The following ITM2C variants were observed in gnomAD, a reference collection of about 807,000 sequenced individuals.
ITM2C encodes BRICHOS domain containing 2C.
Under a neutral mutation model 30.0 loss-of-function variants are expected in ITM2C, and 20 were observed. The ratio of observed to expected loss-of-function variants is 0.67; its 90% confidence interval spans 0.47 to 0.97. The LOEUF (loss-of-function observed/expected upper bound fraction) is 0.97. Among genes scored for constraint, ITM2C ranks in the 50% least tolerant of loss-of-function variants. ITM2C has a pLI of 0.00. For synonymous variants in ITM2C, 167 were observed against 156.4 expected, an observed-to-expected ratio of 1.07 and a Z score of -0.51; for missense variants, 366 against 371.9, an observed-to-expected ratio of 0.98 and a Z score of 0.13.
chr2:230,872,364 GGGA>G (rs1479881208), intron 1 of ITM2C, among the ~76,000 whole-genome samples: 5 of 152,214 alleles, frequency 3.3e-5, no homozygotes, highest in Admixed American at 1.3e-4. Flanking sequence ...ATAGGAGGTA[GGGA>G]GGAGAAGAGA....
At chr2:230,875,595 C>A in intron 2 of ITM2C, 25 bp from the exon 3 acceptor site, 1 of 1,572,990 alleles carries the variant, frequency 6.4e-7, no homozygotes, top group East Asian at 2.2e-5. Context: ...CTCTGACTGT[C>A]TGTCTGTCTC....
Position 230,865,036 on chromosome 2 carries a change from T to C in ITM2C, c.11T>C (p.Ile4Thr). 6.6e-7 allele frequency: 1 copy of C among 1,522,002 alleles called. No individual in the cohort carries two copies. Among genetic ancestry groups the C allele is most frequent in the East Asian group, 2.6e-5 (1 of 38,328 alleles). The allele number at this position is 1,522,002 out of a possible 1,614,324, so 94.3% of individuals were successfully genotyped here. MVK[I>T]SFQPAVAGIK... The stretch of plus-strand genomic sequence containing the variant: ...CGGGCCGGCGCAGCCATGGTGAAGA[T>C]TAGCTTCCAGCCCGCCGTGGCTGGC... Residue 4 changes from isoleucine (I) to threonine (T), a missense_variant, in exon 1 of 6, where the codon ATT becomes ACT. By Grantham distance (89) the Ile-to-Thr change is moderately conservative. Coordinates refer to ENST00000326427, the MANE Select transcript of ITM2C (RefSeq NM_030926.6). The surrounding 1 kb of genome is among the most constrained non-coding windows in gnomAD (Gnocchi z 6.8).
Position 230,877,519 on chromosome 2 carries a change from C to T in ITM2C, c.681C>T (p.Thr227=), listed in dbSNP as rs753053436. 3.7e-6 allele frequency: 6 copies of T among 1,613,800 alleles called. No individual in the cohort carries two copies. In the African/African-American group the frequency reaches 8.0e-5, roughly 22 times the overall value. Residue 227 remains threonine, a synonymous_variant, in exon 5 of 6, where the codon ACC becomes ACT. Transcript: ENST00000326427. The surrounding 1 kb of genome is among the most constrained non-coding windows in gnomAD (Gnocchi z 4.8). ...ACCACCTGTGCAACGGGAAAGACAC[C>T]TACCGGCTCCGGCGCCGGGCAACGC... ...FIYHLCNGKD[T]YRLRRRATRR... is the part of the protein sequence containing the mutation.
chr2:230,871,372 G>T (rs1025495644), intron 1 of ITM2C, among the ~76,000 whole-genome samples: 1 of 152,360 alleles, frequency 6.6e-6, no homozygotes. Context: ...TGGGTGGTTC[G>T]ATCCCTGGGA....
In ITM2C at chr2:230,876,941, T is replaced by C. The variant is rs763577235; in HGVS notation, c.535T>C (p.Phe179Leu). 4 of 1,613,342 alleles carry C rather than the reference T, an allele frequency of 2.5e-6. No homozygotes were observed. In the African/African-American group the frequency reaches 5.3e-5, roughly 22 times the overall value. Residue 179 changes from phenylalanine to leucine, a missense_variant, in exon 4 of 6, where the codon TTC becomes CTC. By Grantham distance (22) the Phe-to-Leu change is conservative. Transcript: ENST00000326427. ...CACCATTGTGCTGCCCCCTCGCAAC[T>C]TCTGGGAGCTCCTCATGAACGTGAA... ...NTTIVLPPRN[F>L]WELLMNVKRG...
At chr2:230,864,696 A>C, upstream of ITM2C, 1 of 150,054 alleles carries the variant, frequency 6.7e-6, no homozygotes, top group Non-Finnish European at 1.4e-5. This position sits in a 1 kb window ranked among gnomAD's most constrained non-coding sequence, Gnocchi z 4.3. Flanking sequence ...GGCTGAATGA[A>C]TGAGTGAGCG....
At chr2:230,875,834 G>T (rs369467405) in intron 3 of ITM2C, 26 bp downstream of exon 3, 92 of 400,200 alleles carry the variant, frequency 2.3e-4, no homozygotes, top group Non-Finnish European at 4.0e-4. Flanking sequence ...GCCTGGGGGT[G>T]GGGGGTGGGA....
chr2:230,877,274 G>A lies in ITM2C; in HGVS notation c.562-126G>A. 6 of 927,614 alleles carry A rather than the reference G, an allele frequency of 6.5e-6. No homozygotes were observed. The highest frequency in any genetic ancestry group is 7.0e-4 in the Middle Eastern group (2 of 2,868). 57.5% of individuals were successfully genotyped at this position (927,614 alleles called of 1,614,324 possible). A position where few individuals can be genotyped will look rare whatever the true frequency, so the allele number is the denominator to read the frequency against. On this transcript the variant is annotated intron_variant, in intron 4 of 5. Transcript: ENST00000326427. This position sits in a 1 kb window ranked among gnomAD's most constrained non-coding sequence, Gnocchi z 4.8. ...CAGGCACCGGGCACAGGCAGGAAGTGCCTGAGGACATCAGAAGGGCCAGCC... is the reference window on the plus strand; with the variant it reads ...CAGGCACCGGGCACAGGCAGGAAGTACCTGAGGACATCAGAAGGGCCAGCC...
At chr2:230,866,360 G>T (rs942643268) in intron 1 of ITM2C, among the ~76,000 whole-genome samples, 3 of 152,212 alleles carry the variant, frequency 2.0e-5, no homozygotes, top group Non-Finnish European at 1.5e-5. Flanking sequence ...GTTCAGTCTT[G>T]CCTGGGGCAT....
rs775229072 is a variant in ITM2C, at chr2:230,878,259, C to G, written c.*160C>G. 2.5e-5 allele frequency: 12 copies of G among 476,298 alleles called. No homozygotes were observed. The highest frequency in any genetic ancestry group is 4.1e-5 in the Non-Finnish European group (11 of 271,402). The allele number at this position is 476,298 out of a possible 1,614,324, so 29.5% of individuals were successfully genotyped here. A position where few individuals can be genotyped will look rare whatever the true frequency, so the allele number is the denominator to read the frequency against. ...CTCCAACCCTGCCCACCTCCCTGTA[C>G]CAGAGCTGTGATCTCTCGGTGGGGG... On this transcript the variant is annotated 3_prime_UTR_variant, in exon 6 of 6. Transcript: ENST00000326427. This position sits in a 1 kb window ranked among gnomAD's most constrained non-coding sequence, Gnocchi z 4.5.
At chr2:230,875,234 C>T (rs938731143) in intron 2 of ITM2C, among the ~76,000 whole-genome samples, 1 of 152,320 alleles carries the variant, frequency 6.6e-6, no homozygotes. Context: ...CCTGCTGGGC[C>T]ACCCCTTTTC....
Position 230,865,060 on chromosome 2 carries a change from G to A in ITM2C, c.35G>A (p.Gly12Asp). Residue 12 changes from glycine to aspartate, a missense_variant, in exon 1 of 6, where the codon GGC (glycine) becomes GAC (aspartate). Physicochemically the swap from Gly to Asp is moderately conservative, Grantham distance 94. Transcript: ENST00000326427. This position sits in a 1 kb window ranked among gnomAD's most constrained non-coding sequence, Gnocchi z 6.8. ...ATTAGCTTCCAGCCCGCCGTGGCTGGCATCAAGGGCGACAAGGCTGACAAG... is the reference window on the plus strand; with the variant it reads ...ATTAGCTTCCAGCCCGCCGTGGCTGACATCAAGGGCGACAAGGCTGACAAG... ...VKISFQPAVA[G>D]IKGDKADKAS... 1.3e-6 allele frequency: 2 copies of A among 1,529,176 alleles called. No homozygotes were observed. The highest frequency in any genetic ancestry group is 1.4e-5 in the African/African-American group (1 of 70,724). The allele number at this position is 1,529,176 out of a possible 1,614,324, so 94.7% of individuals were successfully genotyped here.
chr2:230,874,487 G>A (rs1697240989), intron 2 of ITM2C, among the ~76,000 whole-genome samples: 1 of 151,962 alleles, frequency 6.6e-6, no homozygotes. Flanking sequence ...GCATTTCCTG[G>A]TCCCCTCTGT....
At chr2:230,870,829 G>A (rs542574891) in intron 1 of ITM2C, among the ~76,000 whole-genome samples, 1 of 152,186 alleles carries the variant, frequency 6.6e-6, no homozygotes, top group African/African-American at 2.4e-5. Context: ...AATTTGATTT[G>A]TGGAGCAGGC....
rs545289965 is a variant in ITM2C, at chr2:230,877,135, C to A, written c.561+168C>A. Among the ~76,000 whole-genome samples the A allele has an allele frequency of 7.2e-5, 11 of 152,278 alleles. No individual in the cohort carries two copies. The East Asian group carries it at 2.1e-3, about 29-fold the overall frequency. Reference sequence around the variant, plus strand: ...CCCAGATTGGTCTCGCCTCTGCTATCCCCCTGCTTCCACATCTCCAGAGTC... The same window carrying A: ...CCCAGATTGGTCTCGCCTCTGCTATACCCCTGCTTCCACATCTCCAGAGTC... On this transcript the variant is annotated intron_variant, in intron 4 of 5. Transcript: ENST00000326427. This position sits in a 1 kb window ranked among gnomAD's most constrained non-coding sequence, Gnocchi z 4.8.
intron 2 of ITM2C, among the ~76,000 whole-genome samples, chr2:230,874,789 G>C (rs1490085497): frequency 6.6e-6 from 1 of 151,950 alleles, no homozygotes; most frequent in Non-Finnish European, 1.5e-5. Flanking sequence ...CCCTCCAGGA[G>C]CCCCCTCCAG....
intron 1 of ITM2C, among the ~76,000 whole-genome samples, chr2:230,869,876 C>T (rs185734849): frequency 2.7e-3 from 405 of 152,342 alleles, no homozygotes; most frequent in African/African-American, 9.2e-3. Context: ...GCTCATGCGC[C>T]CTTCGCTCAG....
At chr2:230,867,637 TTATTTTATTTTATC>T (rs1697059910) in intron 1 of ITM2C, among the ~76,000 whole-genome samples, 1 of 148,878 alleles carries the variant, frequency 6.7e-6, no homozygotes, top group African/African-American at 2.5e-5. Flanking sequence ...AAAACAAGAT[TTATTTTATTTTATC>T]TATTTTATTT....
rs1326546638 is a variant in ITM2C at position 230,877,537 on chromosome 2, G to T, written c.699G>T (p.Arg233=). Residue 233 remains arginine, a synonymous_variant, in exon 5 of 6, where the codon CGG becomes CGT. Coordinates refer to ENST00000326427, the MANE Select transcript of ITM2C (RefSeq NM_030926.6). The surrounding 1 kb of genome is among the most constrained non-coding windows in gnomAD (Gnocchi z 4.8). ...AAGACACCTACCGGCTCCGGCGCCG[G>T]GCAACGCGGAGGCGTGAGTGGCTGG... ...NGKDTYRLRR[R]ATRRRINKRG... 6.2e-7 allele frequency: 1 copy of T among 1,613,542 alleles called. No homozygotes were observed. The highest frequency in any genetic ancestry group is 2.2e-5 in the East Asian group (1 of 44,896).
Sources: gnomAD v4.1 joint callset for allele counts (sites outside exome capture counted in the v4.1 genomes callset) on GRCh38, gnomAD v4.1.1 for gene constraint, Gnocchi (gnomAD v3.1) non-coding constraint, MANE v1.5 for transcripts, NCBI Gene and HGNC (gene_info 2026-07-23, HGNC 2026-07-21) for gene names.